RGL3: variants seen among roughly 807,000 people sequenced by gnomAD.
The protein encoded by RGL3 is ral guanine nucleotide dissociation stimulator-like 3.
Under a neutral mutation model 90.6 loss-of-function variants are expected in RGL3, and 85 were observed. The observed-to-expected ratio is 0.94, with a 90% CI of 0.79 to 1.12. The LOEUF is 1.12. Ranked by LOEUF, RGL3 falls within the 50% of genes most tolerant of loss-of-function variation. The pLI is 0.00. For missense variants in RGL3, 1,034 were observed against 939.2 expected (o/e 1.10, Z -1.32); for synonymous variants, 408 against 385.5 (o/e 1.06, Z -0.68).
At chr19:11,395,928 CCTTT>C (rs1968557613) in intron 18 of RGL3, among the ~76,000 whole-genome samples, 1 of 145,214 alleles carries the variant, frequency 6.9e-6, no homozygotes, top group African/African-American at 2.6e-5. Flanking sequence ...TGCCCGGCCC[CCTTT>C]TTTTTTTTTA....
intron 5 of RGL3, among the ~76,000 whole-genome samples, chr19:11,415,120 ACT>A (rs753738637): frequency 8.6e-5 from 13 of 151,318 alleles, no homozygotes; most frequent in Non-Finnish European, 1.5e-5. Flanking sequence ...ACAGTGCGAG[ACT>A]CTGTCTAAAA....
chr19:11,397,117 T>C (rs1968587125), intron 18 of RGL3, 127 bp downstream of exon 18: 2 of 715,484 alleles, frequency 2.8e-6, no homozygotes, highest in Non-Finnish European at 4.8e-6. Context: ...ATCTTACCCC[T>C]ACTCTCTGCC....
Position 11,394,332 on chromosome 19 carries a change from G to A in RGL3, c.*70C>T. 1 of 1,212,512 alleles carries A rather than the reference G, an allele frequency of 8.2e-7. No homozygotes were observed. Among genetic ancestry groups the A allele is most frequent in the Non-Finnish European group, 1.2e-6 (1 of 815,376 alleles). The allele number at this position is 1,212,512 out of a possible 1,614,324, so 75.1% of individuals were successfully genotyped here. A position where few individuals can be genotyped will look rare whatever the true frequency, so the allele number is the denominator to read the frequency against. On this transcript the variant is annotated 3_prime_UTR_variant, in exon 19 of 19. Transcript: ENST00000380456. ...GCACAGTGGCCTCTACTGGGGGATG[G>A]CAGCTTTCCAGGAGAAGAGTCGCAA...
chr19:11,394,876 G>C (rs1047147599), intron 18 of RGL3, among the ~76,000 whole-genome samples: 30 of 151,916 alleles, frequency 2.0e-4, no homozygotes, highest in Admixed American at 1.8e-3. Context: ...GATCACTTGA[G>C]GTCAGGAATT....
At chr19:11,414,571 A>G (rs895852921) in intron 5 of RGL3, among the ~76,000 whole-genome samples, 5 of 140,716 alleles carry the variant, frequency 3.6e-5, no homozygotes, top group South Asian at 2.2e-4. Context: ...GTCACCAGGG[A>G]TAGAGAAGTG....
Position 11,399,776 on chromosome 19 carries a change from T to C in RGL3, c.1746+79A>G, listed in dbSNP as rs533934433. The C allele has an allele frequency of 5.1e-5, 41 of 797,234 alleles. No homozygotes were observed. In the Admixed American group the frequency reaches 1.0e-3, roughly 20 times the overall value. 49.4% of individuals were successfully genotyped at this position (797,234 alleles called of 1,614,324 possible). On this transcript the variant is annotated intron_variant, in intron 16 of 18. Transcript: ENST00000380456. ...GGCCCCACAATCCTGTGTGTACACA[T>C]GTGCATGCACACACACGTGCACACA...
At chr19:11,403,680 G>A (rs1968721168) in intron 9 of RGL3, among the ~76,000 whole-genome samples, 1 of 150,504 alleles carries the variant, frequency 6.6e-6, no homozygotes, top group African/African-American at 2.4e-5. Flanking sequence ...AGGGGTTAAG[G>A]CCCACTCTAG....
chr19:11,409,251 C>A (rs540807563), intron 5 of RGL3, among the ~76,000 whole-genome samples: 8 of 151,946 alleles, frequency 5.3e-5, no homozygotes, highest in African/African-American at 1.9e-4. Flanking sequence ...GAGGCCAAGG[C>A]GGGTAGATCA....
chr19:11,407,670 A>AT (rs919983503), intron 5 of RGL3, among the ~76,000 whole-genome samples: 13 of 149,410 alleles, frequency 8.7e-5, no homozygotes, highest in African/African-American at 3.2e-4. Context: ...TAGAGCATGT[A>AT]TTTTAACCTC....
Position 11,397,354 on chromosome 19 carries a change from G to T in RGL3, c.1904C>A (p.Thr635Asn). The T allele has an allele frequency of 6.2e-7, 1 of 1,601,072 alleles. No individual in the cohort carries two copies. The highest frequency in any genetic ancestry group is 8.5e-7 in the Non-Finnish European group (1 of 1,173,018). ...HGNLYRSILL[T>N]SQDKAPSVVR... ...CACGCTGGGGGCTTTGTCCTGACTGGTCAGCTGGAAGAGAGGGGCGGGAGG... is the reference window on the plus strand; with the variant it reads ...CACGCTGGGGGCTTTGTCCTGACTGTTCAGCTGGAAGAGAGGGGCGGGAGG... The change falls in exon 18 of 19, where the codon ACC (threonine) becomes AAC (asparagine). Residue 635 changes from threonine (T) to asparagine (N), a missense_variant. By Grantham distance (65) the Thr-to-Asn change is moderately conservative. Transcript: ENST00000380456.
chr19:11,406,061 G>A (rs1300462440), intron 7 of RGL3, among the ~76,000 whole-genome samples: 2 of 151,730 alleles, frequency 1.3e-5, no homozygotes, highest in African/African-American at 4.8e-5. Flanking sequence ...GGACCCCTGG[G>A]TGTTGTCTCA....
At chr19:11,409,404 C>T (rs1416694394) in intron 5 of RGL3, among the ~76,000 whole-genome samples, 3 of 152,048 alleles carry the variant, frequency 2.0e-5, no homozygotes, top group Non-Finnish European at 2.9e-5. Flanking sequence ...TGGCGTGAAC[C>T]GGCGAGGCGG....
intron 11 of RGL3, 63 bp from the exon 12 acceptor site, chr19:11,402,310 G>C (rs370372652): frequency 2.4e-5 from 38 of 1,609,956 alleles, no homozygotes; most frequent in East Asian, 2.0e-4. Context: ...CAAGGTCAGG[G>C]GCTGGGATGT....
chr19:11,398,441 G>A (rs1968614999), intron 16 of RGL3, among the ~76,000 whole-genome samples: 2 of 152,004 alleles, frequency 1.3e-5, no homozygotes, highest in South Asian at 2.1e-4. Flanking sequence ...TGCCTCCCAG[G>A]TTCAAGCAAT....
chr19:11,416,986 A>G lies in RGL3; in HGVS notation c.221T>C (p.Leu74Pro). ...SKVRVLRAAR[L>P]ERLVGELVFG... is the part of the protein sequence containing the mutation. Reference sequence around the variant, plus strand: ...CACCAACTCTCCCACCAGCCGCTCCAGGCGCGCTGCCCTCAGCACCCTCAC... The same window carrying G: ...CACCAACTCTCCCACCAGCCGCTCCGGGCGCGCTGCCCTCAGCACCCTCAC... Residue 74 changes from leucine to proline, a missense_variant, in exon 3 of 19, where the codon CTG becomes CCG. Coordinates refer to ENST00000380456, the MANE Select transcript of RGL3 (RefSeq NM_001035223.4). The G allele has an allele frequency of 1.9e-6, 3 of 1,613,986 alleles. No homozygotes were observed. The highest frequency in any genetic ancestry group is 2.5e-6 in the Non-Finnish European group (3 of 1,179,972).
intron 18 of RGL3, 26 bp from the exon 19 acceptor site, chr19:11,394,546 A>G: frequency 6.4e-7 from 1 of 1,555,128 alleles, no homozygotes; most frequent in African/African-American, 1.4e-5. Context: ...GATGGTGGTA[A>G]TAGGCCCTCA....
chr19:11,398,746 C>T (rs943129319), intron 16 of RGL3, among the ~76,000 whole-genome samples: 1 of 152,164 alleles, frequency 6.6e-6, no homozygotes, highest in African/African-American at 2.4e-5. Flanking sequence ...TCTCAGCTCA[C>T]TGCAACCTCC....
intron 5 of RGL3, among the ~76,000 whole-genome samples, chr19:11,409,137 G>A (rs2144731350): frequency 6.7e-6 from 1 of 149,688 alleles, no homozygotes; most frequent in East Asian, 2.0e-4. Context: ...CCACGCCACG[G>A]CACTCTAGCC....
In RGL3 at chr19:11,402,249, T is replaced by G; in HGVS notation, c.1330-2A>C. On this transcript the variant is annotated splice_acceptor_variant, in intron 11 of 18. Coordinates refer to ENST00000380456, the MANE Select transcript of RGL3 (RefSeq NM_001035223.4). LOFTEE classifies it high-confidence loss of function. ...CTTCTCAAAGTTAATGAGATCCCCCTGGGGGCAAAGTGTGTCTGAATTGCA... is the reference window on the plus strand; with the variant it reads ...CTTCTCAAAGTTAATGAGATCCCCCGGGGGGCAAAGTGTGTCTGAATTGCA... 1.2e-6 allele frequency: 2 copies of G among 1,611,044 alleles called. No homozygotes were observed. Among genetic ancestry groups the G allele is most frequent in the South Asian group, 2.2e-5 (2 of 90,994 alleles).
Sources: gnomAD v4.1 joint callset for allele counts (sites outside exome capture counted in the v4.1 genomes callset) on GRCh38, gnomAD v4.1.1 for gene constraint, MANE v1.5 for transcripts, NCBI Gene and HGNC (gene_info 2026-07-23, HGNC 2026-07-21) for gene names.